Variants in CMTM8 observed in about 807,000 individuals in gnomAD.
CMTM8 encodes CKLF-like MARVEL transmembrane domain-containing protein 8.
Under a neutral mutation model 18.6 loss-of-function variants are expected in CMTM8, and 12 were observed. The observed-to-expected ratio is 0.65, with a 90% confidence interval of 0.41 to 1.05. The LOEUF (loss-of-function observed/expected upper bound fraction) is 1.05, where lower values mean the gene tolerates loss of function less well. CMTM8 is among the 50% of genes least tolerant of loss of function. CMTM8 has a pLI of 0.00. For missense variants in CMTM8, 217 were observed against 227.2 expected, an observed-to-expected ratio of 0.95 and a Z score of 0.29; for synonymous variants, 87 against 90.6, an observed-to-expected ratio of 0.96 and a Z score of 0.23.
At chr3:32,315,110 T>TTTC (rs1039190701) in intron 1 of CMTM8, among the ~76,000 whole-genome samples, 6 of 148,998 alleles carry the variant, frequency 4.0e-5, no homozygotes, top group African/African-American at 1.2e-4. Flanking sequence ...CAGCCTCTGT[T>TTTC]TTCTTCTTCT....
intron 1 of CMTM8, among the ~76,000 whole-genome samples, chr3:32,263,140 G>A (rs970460188): frequency 2.0e-5 from 3 of 152,274 alleles, no homozygotes; most frequent in South Asian, 2.1e-4. Context: ...ATCTGAGAAC[G>A]GACAGACTGC....
intron 1 of CMTM8, among the ~76,000 whole-genome samples, chr3:32,283,892 A>G (rs1031939805): frequency 1.7e-4 from 26 of 152,248 alleles, no homozygotes; most frequent in African/African-American, 5.5e-4. Flanking sequence ...GTAAATATTT[A>G]TAGCCCACTT....
intron 1 of CMTM8, among the ~76,000 whole-genome samples, chr3:32,331,426 A>G (rs1696271634): frequency 6.6e-6 from 1 of 152,176 alleles, no homozygotes; most frequent in East Asian, 1.9e-4. Flanking sequence ...AAAAAATTAA[A>G]AATAAAATGT....
intron 1 of CMTM8, among the ~76,000 whole-genome samples, chr3:32,344,451 G>A (rs1696556437): frequency 6.6e-6 from 1 of 152,136 alleles, no homozygotes; most frequent in South Asian, 2.1e-4. Flanking sequence ...TAGAAAACCT[G>A]TGTCACAATA....
At chr3:32,292,047 C>T (rs1702787697) in intron 1 of CMTM8, among the ~76,000 whole-genome samples, 1 of 152,190 alleles carries the variant, frequency 6.6e-6, no homozygotes, top group Non-Finnish European at 1.5e-5. Context: ...CTCTCATCAC[C>T]TTCTATCCGG....
chr3:32,262,403 C>T (rs964181930), intron 1 of CMTM8, among the ~76,000 whole-genome samples: 1 of 152,150 alleles, frequency 6.6e-6, no homozygotes, highest in African/African-American at 2.4e-5. Context: ...GCTTTCCAGC[C>T]TCTAGTGAGC....
rs149187553 is a variant in CMTM8, at chr3:32,341,423, C to CT, written c.148-15942dup. On this transcript the variant is annotated intron_variant, in intron 1 of 3. Transcript: ENST00000307526. Reference sequence around the variant, plus strand: ...CAGGCTTATGGTCTGCCAAACTGCTCTTTTTTTTAAGGTATTAATCACAAT... The same window carrying CT: ...CAGGCTTATGGTCTGCCAAACTGCTCTTTTTTTTTAAGGTATTAATCACAAT... Among the ~76,000 whole-genome samples the CT allele has an allele frequency of 8.2e-3, 1,252 of 152,140 alleles. 14 individuals are homozygous for CT. The highest frequency in any genetic ancestry group is 0.029 in the African/African-American group (1,202 of 41,494).
intron 1 of CMTM8, among the ~76,000 whole-genome samples, chr3:32,317,287 A>T (rs1038069420): frequency 3.9e-5 from 6 of 152,216 alleles, no homozygotes; most frequent in Admixed American, 3.9e-4. Context: ...TTTTTATATA[A>T]ATACTTAAAA....
chr3:32,341,408 G>A (rs1696490704), intron 1 of CMTM8, among the ~76,000 whole-genome samples: 1 of 152,158 alleles, frequency 6.6e-6, no homozygotes, highest in African/African-American at 2.4e-5. Context: ...CAGGCTTATG[G>A]TCTGCCAAAC....
At chr3:32,314,764 T>TC (rs1695886321) in intron 1 of CMTM8, among the ~76,000 whole-genome samples, 1 of 152,032 alleles carries the variant, frequency 6.6e-6, no homozygotes, top group South Asian at 2.1e-4. Context: ...GGCATGAGCC[T>TC]CCACGCCAGG....
At chr3:32,303,907 A>G (rs1277717012) in intron 1 of CMTM8, among the ~76,000 whole-genome samples, 1 of 152,220 alleles carries the variant, frequency 6.6e-6, no homozygotes, top group Admixed American at 6.5e-5. Flanking sequence ...TAATTGTAAT[A>G]CCTTCATCAC....
intron 2 of CMTM8, among the ~76,000 whole-genome samples, chr3:32,362,727 A>G (rs1696960768): frequency 6.6e-6 from 1 of 152,084 alleles, no homozygotes; most frequent in Non-Finnish European, 1.5e-5. Context: ...TAAATCTTCC[A>G]AAAGACCCTT....
chr3:32,284,812 T>C (rs1026036040), intron 1 of CMTM8, among the ~76,000 whole-genome samples: 1 of 152,244 alleles, frequency 6.6e-6, no homozygotes, highest in African/African-American at 2.4e-5. Context: ...TTTTTGTTTT[T>C]TCCTGGTTCT....
chr3:32,259,404 A>G, intron 1 of CMTM8: 1 of 866,310 alleles, frequency 1.2e-6, no homozygotes, highest in Non-Finnish European at 2.0e-6. Flanking sequence ...CAGATTGACA[A>G]TGCCTGTCTT....
At chr3:32,355,568 C>T (rs1696801046) in intron 1 of CMTM8, among the ~76,000 whole-genome samples, 1 of 152,146 alleles carries the variant, frequency 6.6e-6, no homozygotes, top group Non-Finnish European at 1.5e-5. Flanking sequence ...AATTTGTCTC[C>T]ACACCACTGC....
At chr3:32,246,183 A>C (rs899151090) in intron 1 of CMTM8, among the ~76,000 whole-genome samples, 2 of 152,120 alleles carry the variant, frequency 1.3e-5, no homozygotes, top group Admixed American at 6.5e-5. Flanking sequence ...TGTGCTGGAT[A>C]CCTTCCATTT....
At chr3:32,302,363 A>T (rs9853554) in intron 1 of CMTM8, among the ~76,000 whole-genome samples, 16 of 152,068 alleles carry the variant, frequency 1.1e-4, no homozygotes, top group Admixed American at 9.8e-4. Context: ...CAAGTAGCAC[A>T]GCATTGGATA....
chr3:32,355,292 T>A (rs1696793863), intron 1 of CMTM8, among the ~76,000 whole-genome samples: 1 of 152,182 alleles, frequency 6.6e-6, no homozygotes, highest in African/African-American at 2.4e-5. Context: ...AAAATTCAAC[T>A]CATGAACAAC....
chr3:32,250,812 C>T lies in CMTM8; in HGVS notation c.147+11693C>T, dbSNP rs534346390. On this transcript the variant is annotated intron_variant, in intron 1 of 3. Transcript: ENST00000307526. ...TTCACCATGTTGCCCAGGCTGGTCTCGAACCCCTGAGCTCAAATGATCCAC... is the reference window on the plus strand; with the variant it reads ...TTCACCATGTTGCCCAGGCTGGTCTTGAACCCCTGAGCTCAAATGATCCAC... Among the ~76,000 whole-genome samples, 10 of 151,366 alleles carry T rather than the reference C, an allele frequency of 6.6e-5. No individual in the cohort carries two copies. In the East Asian group the frequency reaches 1.8e-3, roughly 27 times the overall value.
Sources: allele counts gnomAD v4.1 joint callset (sites outside exome capture counted in the v4.1 genomes callset), GRCh38; gene constraint gnomAD v4.1.1; transcripts MANE v1.5; gene names NCBI Gene and HGNC (gene_info 2026-07-23, HGNC 2026-07-21).